NELL1: variants seen among roughly 807,000 people sequenced by gnomAD.
The protein encoded by NELL1 is neural EGFL like 1, also known as protein kinase C-binding protein NELL1.
NELL1 carries 76 observed loss-of-function variants against 107.4 expected under a neutral mutation model. That is an observed-to-expected ratio of 0.71 (90% CI 0.59 to 0.86). The LOEUF (loss-of-function observed/expected upper bound fraction) is 0.86. Among genes scored for constraint, NELL1 ranks in the 40% least tolerant of loss-of-function variants. NELL1 has a pLI of 0.00. For missense variants in NELL1, 1,024 were observed against 1,005.5 expected (o/e 1.02, Z -0.25); for synonymous variants, 353 against 341.2 (o/e 1.03, Z -0.38).
At chr11:20,817,194 G>A (rs1298551723) in intron 3 of NELL1, among the ~76,000 whole-genome samples, 2 of 152,082 alleles carry the variant, frequency 1.3e-5, no homozygotes, top group Non-Finnish European at 2.9e-5. Context: ...CTAGTTTTTG[G>A]AATAGTTTCA....
chr11:20,724,840 T>A (rs1331257440), intron 2 of NELL1, among the ~76,000 whole-genome samples: 1 of 152,220 alleles, frequency 6.6e-6, no homozygotes. Flanking sequence ...ATTCTTACAC[T>A]GTTACAAAGA....
rs186209122 is a variant in NELL1 at position 20,899,268 on chromosome 11, A to T, written c.603+13728A>T. ...AAAGGAAATCTCCACAAATTACAAA[A>T]AATGATACATAGACCATATTCTCTG... On this transcript the variant is annotated intron_variant, in intron 5 of 19. Coordinates refer to ENST00000357134, the MANE Select transcript of NELL1 (RefSeq NM_006157.5). Among the ~76,000 whole-genome samples, 20 of 152,276 alleles carry T rather than the reference A, an allele frequency of 1.3e-4. No homozygotes were observed. The East Asian group carries it at 3.7e-3, about 28-fold the overall frequency.
chr11:21,335,880 G>A (rs1446058106), intron 14 of NELL1, among the ~76,000 whole-genome samples: 1 of 151,984 alleles, frequency 6.6e-6, no homozygotes, highest in Admixed American at 6.6e-5. Context: ...AAAGACAGAG[G>A]CAATAGACAC....
At chr11:21,542,335 T>C (rs550446897) in intron 16 of NELL1, among the ~76,000 whole-genome samples, 2 of 152,154 alleles carry the variant, frequency 1.3e-5, no homozygotes, top group African/African-American at 4.8e-5. Flanking sequence ...CACTGCTTTC[T>C]GGAAGGGAGG....
chr11:21,510,315 A>T (rs1369551560), intron 15 of NELL1, among the ~76,000 whole-genome samples: 1 of 152,206 alleles, frequency 6.6e-6, no homozygotes, highest in Non-Finnish European at 1.5e-5. Context: ...GGGAGCACAG[A>T]ATCCAAATGC....
intron 15 of NELL1, among the ~76,000 whole-genome samples, chr11:21,472,844 C>G (rs957288559): frequency 1.3e-5 from 2 of 151,808 alleles, no homozygotes; most frequent in Non-Finnish European, 2.9e-5. Context: ...CTTTCCTTCC[C>G]TTCCTCTTCT....
At chr11:21,296,561 A>T (rs182861560) in intron 14 of NELL1, among the ~76,000 whole-genome samples, 2 of 152,156 alleles carry the variant, frequency 1.3e-5, no homozygotes, top group Admixed American at 1.3e-4. Context: ...TTAATAACAC[A>T]GTTCAGTGTT....
At chr11:21,098,558 C>A (rs1330937759) in intron 12 of NELL1, among the ~76,000 whole-genome samples, 3 of 152,130 alleles carry the variant, frequency 2.0e-5, no homozygotes, top group Non-Finnish European at 2.9e-5. Context: ...TCCTACCCCA[C>A]CCAAAACAGT....
intron 12 of NELL1, among the ~76,000 whole-genome samples, chr11:21,106,793 G>C (rs1385634470): frequency 6.6e-6 from 1 of 151,924 alleles, no homozygotes; most frequent in Admixed American, 6.6e-5. Flanking sequence ...CTTGCTTTAG[G>C]GAGGACGCTA....
At chr11:21,554,945 C>T (rs1037454703) in intron 16 of NELL1, among the ~76,000 whole-genome samples, 8 of 151,882 alleles carry the variant, frequency 5.3e-5, no homozygotes, top group Non-Finnish European at 1.2e-4. Context: ...AAAGGTTAAG[C>T]TTTCAATTGG....
intron 12 of NELL1, among the ~76,000 whole-genome samples, chr11:21,103,026 T>A (rs1351028885): frequency 6.6e-6 from 1 of 152,172 alleles, no homozygotes; most frequent in Non-Finnish European, 1.5e-5. Flanking sequence ...GCGAAATACA[T>A]GAAAAAGTAA....
intron 15 of NELL1, among the ~76,000 whole-genome samples, chr11:21,411,456 CAAT>C (rs1794618980): frequency 6.6e-6 from 1 of 151,848 alleles, no homozygotes; most frequent in South Asian, 2.1e-4. Context: ...ACAATAATGG[CAAT>C]AATAATAAAT....
intron 15 of NELL1, among the ~76,000 whole-genome samples, chr11:21,374,144 A>G (rs1851415802): frequency 6.6e-6 from 1 of 152,140 alleles, no homozygotes; most frequent in Non-Finnish European, 1.5e-5. Flanking sequence ...AGAAGTATGT[A>G]AGACTAAGTT....
intron 14 of NELL1, among the ~76,000 whole-genome samples, chr11:21,358,752 G>A (rs1383032194): frequency 6.6e-6 from 1 of 151,552 alleles, no homozygotes; most frequent in Non-Finnish European, 1.5e-5. Flanking sequence ...TGTTGCAGCT[G>A]TTGTAAAGGG....
intron 15 of NELL1, among the ~76,000 whole-genome samples, chr11:21,453,476 G>C (rs892735594): frequency 1.3e-5 from 2 of 151,800 alleles, no homozygotes; most frequent in Non-Finnish European, 1.5e-5. Context: ...GCTATTTTTA[G>C]TATACATTTT....
intron 4 of NELL1, among the ~76,000 whole-genome samples, chr11:20,878,561 C>G (rs1337329384): frequency 1.3e-5 from 2 of 151,992 alleles, no homozygotes; most frequent in Non-Finnish European, 2.9e-5. Flanking sequence ...TTTGGTGCTT[C>G]TTGTATAAAT....
chr11:21,120,059 C>T (rs758074913), intron 13 of NELL1, among the ~76,000 whole-genome samples: 60 of 152,200 alleles, frequency 3.9e-4, no homozygotes, highest in Non-Finnish European at 6.6e-4. Context: ...CCCATGTGAT[C>T]TCTATTACCT....
At chr11:21,521,263 T>C (rs1855717954) in intron 15 of NELL1, among the ~76,000 whole-genome samples, 1 of 152,236 alleles carries the variant, frequency 6.6e-6, no homozygotes, top group Non-Finnish European at 1.5e-5. Flanking sequence ...CATTGGCTTT[T>C]GGAACTGGTG....
In NELL1 at chr11:21,424,244, G is replaced by A. The variant is rs80211960; in HGVS notation, c.1645+53296G>A. 3.9e-4 allele frequency among the ~76,000 whole-genome samples: 60 copies of A among 152,230 alleles called. 1 individual carries two copies. In the East Asian group the frequency reaches 0.011, roughly 28 times the overall value. ...GTAAATTGACTAAGAAAAAGATAGA[G>A]TAATCAAATTACTAAAATCAGAATT... On this transcript the variant is annotated intron_variant, in intron 15 of 19. Transcript: ENST00000357134.
Sources: allele counts gnomAD v4.1 joint callset (sites outside exome capture counted in the v4.1 genomes callset), GRCh38; gene constraint gnomAD v4.1.1; transcripts MANE v1.5; gene names NCBI Gene and HGNC (gene_info 2026-07-23, HGNC 2026-07-21).